The following TTLL5 variants were observed in gnomAD, a reference collection of about 807,000 sequenced individuals.
TTLL5 encodes tubulin tyrosine ligase like 5.
In TTLL5, 132 loss-of-function variants were observed where a neutral mutation model predicts 168.4. That is an observed-to-expected ratio of 0.78 (90% CI 0.68 to 0.91). The LOEUF is 0.91. TTLL5 is among the 40% of genes least tolerant of loss of function. The pLI, the probability that TTLL5 is intolerant of heterozygous loss-of-function variation, is 0.00. For synonymous variants in TTLL5, 546 were observed against 558.6 expected (o/e 0.98, Z 0.32); for missense variants, 1,545 against 1,581.5 (o/e 0.98, Z 0.39).
chr14:75,813,371 A>G (rs976806444), intron 27 of TTLL5, among the ~76,000 whole-genome samples: 2 of 151,082 alleles, frequency 1.3e-5, no homozygotes, highest in African/African-American at 2.4e-5. Context: ...GTGTGATCTC[A>G]GCTCACTGCA....
intron 12 of TTLL5, among the ~76,000 whole-genome samples, chr14:75,722,094 C>G (rs1887875952): frequency 6.6e-6 from 1 of 152,136 alleles, no homozygotes; most frequent in Non-Finnish European, 1.5e-5. Context: ...ACCTTATAAT[C>G]CAGCTGTACT....
chr14:75,666,138 A>G (rs1566806433), intron 2 of TTLL5, among the ~76,000 whole-genome samples: 2 of 152,192 alleles, frequency 1.3e-5, no homozygotes, highest in Non-Finnish European at 2.9e-5. Context: ...GCTTAAATCA[A>G]TCTTGTTCAC....
chr14:75,732,490 TCA>T, intron 13 of TTLL5, 71 bp downstream of exon 13: 3 of 1,309,526 alleles, frequency 2.3e-6, no homozygotes, highest in African/African-American at 1.5e-5. Context: ...TTTTTTTTGA[TCA>T]TTTCTCTTGG....
intron 3 of TTLL5, among the ~76,000 whole-genome samples, chr14:75,675,402 T>TA: frequency 6.6e-6 from 1 of 152,292 alleles, no homozygotes; most frequent in East Asian, 1.9e-4. Context: ...TGTTGACAGT[T>TA]AGATTATTGG....
intron 31 of TTLL5, chr14:75,906,424 TTGAC>T: frequency 1.5e-6 from 1 of 686,652 alleles, no homozygotes; most frequent in Non-Finnish European, 1.8e-6. Flanking sequence ...GAATTGGAAT[TTGAC>T]AGGAAGTGGG....
intron 27 of TTLL5, 70 bp from the exon 28 acceptor site, chr14:75,819,937 C>T: frequency 2.0e-6 from 3 of 1,507,742 alleles, no homozygotes; most frequent in South Asian, 1.3e-5. Flanking sequence ...CTTGATTTTG[C>T]CTATATGTTG....
chr14:75,824,747 CAAA>C (rs1895030297), intron 28 of TTLL5, among the ~76,000 whole-genome samples: 1 of 139,804 alleles, frequency 7.2e-6, no homozygotes, highest in African/African-American at 2.7e-5. Flanking sequence ...TTTTTTTAAA[CAAA>C]GAAGAGTATG....
Position 75,720,706 on chromosome 14 carries a change from A to G in TTLL5, c.1042+3A>G, listed in dbSNP as rs775948692. On this transcript the variant is annotated splice_donor_region_variant and intron_variant, in intron 12 of 31. Transcript: ENST00000298832. ...TCCTCATCGCAGCAGTTGTTTTGGT[A>G]AGGAGACTCAAGAAGCTTAACATGT... 1.2e-6 allele frequency: 2 copies of G among 1,609,908 alleles called. No homozygotes were observed. The highest frequency in any genetic ancestry group is 1.7e-6 in the Non-Finnish European group (2 of 1,176,302).
chr14:75,903,268 C>T (rs2033003249), intron 31 of TTLL5, among the ~76,000 whole-genome samples: 1 of 151,968 alleles, frequency 6.6e-6, no homozygotes, highest in South Asian at 2.1e-4. Context: ...GGAAAAACAT[C>T]GAAGCTGACA....
intron 6 of TTLL5, among the ~76,000 whole-genome samples, chr14:75,698,038 A>G (rs1483686184): frequency 1.3e-5 from 2 of 152,182 alleles, no homozygotes; most frequent in Non-Finnish European, 2.9e-5. Context: ...TTTACCTTTC[A>G]TCCCATCTCT....
At chr14:75,908,333 CAGA>C (rs761556470) in intron 31 of TTLL5, among the ~76,000 whole-genome samples, 144 of 152,278 alleles carry the variant, frequency 9.5e-4, no homozygotes, top group Non-Finnish European at 1.2e-3. Context: ...ATCTCTTGAG[CAGA>C]AGAATTAGGT....
chr14:75,847,896 C>T (rs1158279221), intron 28 of TTLL5, among the ~76,000 whole-genome samples: 2 of 151,804 alleles, frequency 1.3e-5, no homozygotes, highest in East Asian at 3.9e-4. Context: ...CAAAATGTGG[C>T]TGCTGCTGTT....
intron 28 of TTLL5, among the ~76,000 whole-genome samples, chr14:75,823,960 G>C (rs1002399467): frequency 2.6e-5 from 4 of 152,182 alleles, no homozygotes; most frequent in African/African-American, 9.7e-5. Flanking sequence ...CAGAGATTCT[G>C]ATTCTAGTTT....
intron 7 of TTLL5, among the ~76,000 whole-genome samples, chr14:75,706,448 T>C (rs1886665873): frequency 6.6e-6 from 1 of 152,214 alleles, no homozygotes; most frequent in Non-Finnish European, 1.5e-5. Context: ...CTGTTTTTCA[T>C]TGAAGAAATC....
chr14:75,753,087 G>A (rs571894000), intron 18 of TTLL5, 132 bp downstream of exon 18: 2 of 775,816 alleles, frequency 2.6e-6, no homozygotes, highest in East Asian at 5.2e-5. Context: ...CCTGTAGAAA[G>A]CATGCTATCA....
rs150557929 is a variant in TTLL5, at chr14:75,934,375, C to T, written c.3824-20049C>T. On this transcript the variant is annotated intron_variant, in intron 31 of 31. Transcript: ENST00000298832. ...GAGGTGGACAGATTGGCAACTTTTACGTGATACTGTAGATTCAACCTCACC... is the reference window on the plus strand; with the variant it reads ...GAGGTGGACAGATTGGCAACTTTTATGTGATACTGTAGATTCAACCTCACC... Among the ~76,000 whole-genome samples the T allele has an allele frequency of 5.4e-3, 819 of 152,270 alleles. 3 individuals carry two copies. The highest frequency in any genetic ancestry group is 9.0e-3 in the Non-Finnish European group (615 of 68,020).
chr14:75,773,148 A>G (rs1891446957), intron 21 of TTLL5, among the ~76,000 whole-genome samples: 1 of 152,198 alleles, frequency 6.6e-6, no homozygotes, highest in Non-Finnish European at 1.5e-5. Context: ...CCAGAAAACA[A>G]CTTATGAATT....
At chr14:75,665,358 A>G (rs1883180006) in intron 2 of TTLL5, among the ~76,000 whole-genome samples, 1 of 152,198 alleles carries the variant, frequency 6.6e-6, no homozygotes, top group African/African-American at 2.4e-5. Flanking sequence ...ATTAACAATC[A>G]TAGGTCGGGG....
At chr14:75,706,747 C>CTTATTTAT (rs537009993) in intron 7 of TTLL5, among the ~76,000 whole-genome samples, 6 of 150,974 alleles carry the variant, frequency 4.0e-5, no homozygotes, top group African/African-American at 9.7e-5. Flanking sequence ...GGCTATTAGG[C>CTTATTTAT]TTATTTATTT....
Sources: allele counts gnomAD v4.1 joint callset (sites outside exome capture counted in the v4.1 genomes callset), GRCh38; gene constraint gnomAD v4.1.1; transcripts MANE v1.5; gene names NCBI Gene and HGNC (gene_info 2026-07-23, HGNC 2026-07-21).